The following CCDC171 variants were observed in gnomAD, a reference collection of about 807,000 sequenced individuals.
CCDC171 encodes coiled-coil domain containing 171.
Under a neutral mutation model 168.2 loss-of-function variants are expected in CCDC171, and 177 were observed. That is an observed-to-expected ratio of 1.05 (90% confidence interval 0.93 to 1.19). The LOEUF (loss-of-function observed/expected upper bound fraction) is 1.19, where lower values mean the gene tolerates loss of function less well. CCDC171 is among the 50% of genes most tolerant of loss of function. CCDC171 has a pLI of 0.00. For missense variants in CCDC171, 1,991 were observed against 1,539.0 expected (o/e 1.29, Z -4.91); for synonymous variants, 687 against 540.8 (o/e 1.27, Z -3.75).
intron 3 of CCDC171, among the ~76,000 whole-genome samples, chr9:16,016,086 A>G (rs1462188026): frequency 6.6e-6 from 1 of 152,206 alleles, no homozygotes; most frequent in Non-Finnish European, 1.5e-5. Flanking sequence ...ATGAATGTAC[A>G]CATCTGTGTC....
chr9:15,657,558 C>T (rs563644726), intron 8 of CCDC171, among the ~76,000 whole-genome samples: 22 of 152,216 alleles, frequency 1.4e-4, no homozygotes, highest in African/African-American at 4.8e-4. Flanking sequence ...TGTTCTTTTA[C>T]GGCTGTGGGA....
intron 10 of CCDC171, among the ~76,000 whole-genome samples, chr9:15,684,927 C>T (rs565863668): frequency 2.0e-5 from 3 of 152,200 alleles, no homozygotes; most frequent in South Asian, 2.1e-4. Flanking sequence ...TAAAGTAGTC[C>T]GTGGGTCATG....
In CCDC171 at chr9:15,666,413, A is replaced by G. The variant is rs2048739007; in HGVS notation, c.1076+90A>G. 6 of 853,100 alleles carry G rather than the reference A, an allele frequency of 7.0e-6. No homozygotes were observed. In the South Asian group the frequency reaches 1.0e-4, roughly 15 times the overall value. The allele number at this position is 853,100 out of a possible 1,614,324, so 52.8% of individuals were successfully genotyped here. A position where few individuals can be genotyped will look rare whatever the true frequency, so the allele number is the denominator to read the frequency against. On this transcript the variant is annotated intron_variant, in intron 9 of 25. Transcript: ENST00000380701. ...TGAATGTATACTATGTATTTTAGAT[A>G]TAGCTCCCATTAATGTCAGTGGTAG...
Position 15,779,127 on chromosome 9 carries a change from C to G in CCDC171, c.3058C>G (p.Gln1020Glu). 1 of 1,579,014 alleles carries G rather than the reference C, an allele frequency of 6.3e-7. No individual in the cohort carries two copies. The change falls in exon 20 of 26, where the codon CAA becomes GAA. Residue 1020 changes from glutamine (Q) to glutamate (E), a missense_variant. By Grantham distance (29) the Gln-to-Glu change is conservative. Transcript: ENST00000380701. ...TGACAAAGCCCAGGGTCTGCAAATG[C>G]AATTAAATGAATTTAAGCAGTCTGT... ...ELDKAQGLQM[Q>E]LNEFKQSKLI...
rs149799209 is a variant in CCDC171, at chr9:15,964,206, A to G, written c.3754-7403A>G. Among the ~76,000 whole-genome samples the G allele has an allele frequency of 1.7e-3, 257 of 152,312 alleles. 2 individuals carry two copies. The highest frequency in any genetic ancestry group is 5.7e-3 in the African/African-American group (239 of 41,582). ...ACAACTGAACTCAGTCTTAATAAAT[A>G]TGCTACCCTCAGCCTATTTTCTAAT... is the stretch of plus-strand genomic sequence containing the variant. On this transcript the variant is annotated intron_variant, in intron 25 of 25. Transcript: ENST00000380701.
In CCDC171 at chr9:15,910,891, G is replaced by A. The variant is rs138433200; in HGVS notation, c.3601-9379G>A. ...GGACATGAAATCATTCTTTTTTATG[G>A]CTGCATAGTATTCCATGGTGTATAT... On this transcript the variant is annotated intron_variant, in intron 24 of 25. Transcript: ENST00000380701. 7.0e-3 allele frequency among the ~76,000 whole-genome samples: 1,071 copies of A among 152,142 alleles called. 10 individuals are homozygous for A. The highest frequency in any genetic ancestry group is 0.024 in the African/African-American group (995 of 41,492).
chr9:15,927,210 C>T (rs1177863373), intron 25 of CCDC171, among the ~76,000 whole-genome samples: 1 of 151,622 alleles, frequency 6.6e-6, no homozygotes, highest in African/African-American at 2.4e-5. Context: ...CAGTTGTACA[C>T]TTGCCAGTAC....
At chr9:15,983,931 CAG>C (rs1831893225) in intron 3 of CCDC171, among the ~76,000 whole-genome samples, 1 of 150,864 alleles carries the variant, frequency 6.6e-6, no homozygotes, top group Non-Finnish European at 1.5e-5. Context: ...GTAGATAAAA[CAG>C]AAACTCTACT....
intron 16 of CCDC171, among the ~76,000 whole-genome samples, chr9:15,743,276 T>A (rs1291297957): frequency 1.3e-5 from 2 of 151,388 alleles, no homozygotes; most frequent in African/African-American, 4.9e-5. Context: ...ATTGATTCTC[T>A]GACCTCAGCC....
At chr9:15,801,920 A>G (rs2135796018) in intron 21 of CCDC171, among the ~76,000 whole-genome samples, 1 of 152,210 alleles carries the variant, frequency 6.6e-6, no homozygotes, top group South Asian at 2.1e-4. Context: ...ATGATGTATC[A>G]CATTTATTGG....
intron 7 of CCDC171, among the ~76,000 whole-genome samples, chr9:15,640,537 A>T (rs1361640458): frequency 6.6e-6 from 1 of 152,168 alleles, no homozygotes; most frequent in Admixed American, 6.5e-5. Context: ...ACTGTAGCAT[A>T]TTAATATTTA....
At chr9:15,901,492 A>G (rs1054145179) in intron 24 of CCDC171, among the ~76,000 whole-genome samples, 2 of 152,186 alleles carry the variant, frequency 1.3e-5, no homozygotes, top group African/African-American at 4.8e-5. Context: ...TTTTCTGTGA[A>G]CCTAAAATTG....
intron 6 of CCDC171, among the ~76,000 whole-genome samples, chr9:15,607,124 T>A (rs2043285022): frequency 6.6e-6 from 1 of 152,200 alleles, no homozygotes; most frequent in African/African-American, 2.4e-5. Flanking sequence ...AAGCAAATAT[T>A]TGAACATACA....
chr9:15,844,445 G>A (rs891895603), intron 21 of CCDC171, among the ~76,000 whole-genome samples: 17 of 151,768 alleles, frequency 1.1e-4, no homozygotes, highest in African/African-American at 3.9e-4. Flanking sequence ...CTTGAATCAC[G>A]GTTTATGTCT....
chr9:15,778,954 T>C lies in CCDC171; in HGVS notation c.2899-14T>C. The C allele has an allele frequency of 6.9e-7, 1 of 1,454,176 alleles. No individual in the cohort carries two copies. Among genetic ancestry groups the C allele is most frequent in the South Asian group, 1.6e-5 (1 of 61,490 alleles). 90.1% of individuals were successfully genotyped at this position (1,454,176 alleles called of 1,614,324 possible). A position where few individuals can be genotyped will look rare whatever the true frequency, so the allele number is the denominator to read the frequency against. ...GTAGTTACTGTTTATAAAATTGCTC[T>C]TGTTTAACAACAGAAAAGCACAGCA... On this transcript the variant is annotated splice_polypyrimidine_tract_variant and intron_variant, in intron 19 of 25. Transcript: ENST00000380701.
At chr9:15,580,231 C>A (rs1046726328) in intron 4 of CCDC171, among the ~76,000 whole-genome samples, 1 of 152,152 alleles carries the variant, frequency 6.6e-6, no homozygotes, top group Non-Finnish European at 1.5e-5. Context: ...AGATCAAAGA[C>A]TTAAATCTAA....
At chr9:15,619,603 CT>C (rs2044351810) in intron 6 of CCDC171, among the ~76,000 whole-genome samples, 1 of 152,170 alleles carries the variant, frequency 6.6e-6, no homozygotes, top group African/African-American at 2.4e-5. Context: ...AATAAGACTT[CT>C]ACATAATATA....
At chr9:15,641,637 T>G (rs561603234) in intron 7 of CCDC171, among the ~76,000 whole-genome samples, 1 of 152,262 alleles carries the variant, frequency 6.6e-6, no homozygotes, top group South Asian at 2.1e-4. Context: ...ATAGGAGACA[T>G]TCTTCTCTAT....
chr9:15,715,177 C>G (rs1236419586), intron 11 of CCDC171, among the ~76,000 whole-genome samples: 3 of 152,170 alleles, frequency 2.0e-5, no homozygotes, highest in Admixed American at 2.0e-4. Context: ...ATTTCTCAAG[C>G]TTTGGTAAAG....
Sources: gnomAD v4.1 joint callset for allele counts (sites outside exome capture counted in the v4.1 genomes callset) on GRCh38, gnomAD v4.1.1 for gene constraint, MANE v1.5 for transcripts, NCBI Gene and HGNC (gene_info 2026-07-23, HGNC 2026-07-21) for gene names.